Variants in RBPMS observed in about 807,000 individuals in gnomAD.
The protein encoded by RBPMS is RNA binding protein, mRNA processing factor.
A neutral mutation model predicts 26.8 loss-of-function variants in RBPMS; 7 were observed. The observed-to-expected ratio is 0.26, with a 90% confidence interval of 0.15 to 0.49. The LOEUF (loss-of-function observed/expected upper bound fraction) is 0.49, where lower values mean the gene tolerates loss of function less well. Among genes scored for constraint, RBPMS ranks in the 20% least tolerant of loss-of-function variants. The pLI, the probability that RBPMS is intolerant of heterozygous loss-of-function variation, is 0.98. For synonymous variants in RBPMS, 96 were observed against 93.3 expected, an observed-to-expected ratio of 1.03 and a Z score of -0.17; for missense variants, 186 against 250.0, an observed-to-expected ratio of 0.74 and a Z score of 1.73.
intron 6 of RBPMS, among the ~76,000 whole-genome samples, chr8:30,546,801 AGG>A (rs1188376716): frequency 6.6e-6 from 1 of 152,238 alleles, no homozygotes; most frequent in South Asian, 2.1e-4. Flanking sequence ...GAACTAGTAG[AGG>A]CTTTACAGAT....
Position 30,547,543 on chromosome 8 carries a change from T to C in RBPMS, c.528+2919T>C. On this transcript the variant is annotated intron_variant, in intron 6 of 8. Coordinates refer to ENST00000397323, the MANE Select transcript of RBPMS (RefSeq NM_001008710.3). ...AACTCAAGTAGACTGCAGCGTTTTG[T>C]TTTCATGGTGATGCAATTTTGGAGC... 2.8e-6 allele frequency: 4 copies of C among 1,436,926 alleles called. No individual in the cohort carries two copies. In the Admixed American group the frequency reaches 7.3e-5, roughly 26 times the overall value. 89.0% of individuals were successfully genotyped at this position (1,436,926 alleles called of 1,614,324 possible).
chr8:30,413,490 A>G (rs1809691120), intron 1 of RBPMS, among the ~76,000 whole-genome samples: 1 of 152,190 alleles, frequency 6.6e-6, no homozygotes, highest in Admixed American at 6.5e-5. Context: ...AGTAGAGAGA[A>G]TGATAGCTAC....
chr8:30,445,758 A>G (rs924212314), intron 1 of RBPMS, among the ~76,000 whole-genome samples: 1 of 150,884 alleles, frequency 6.6e-6, no homozygotes, highest in Admixed American at 6.6e-5. Flanking sequence ...GCCTCGACCA[A>G]CTGGGCTCCA....
intron 1 of RBPMS, among the ~76,000 whole-genome samples, chr8:30,425,835 G>A (rs1811291759): frequency 6.6e-6 from 1 of 152,152 alleles, no homozygotes; most frequent in South Asian, 2.1e-4. Context: ...CCTAGGAGGA[G>A]GTACAGTTCT....
chr8:30,505,552 TAAA>T (rs928577950), intron 5 of RBPMS, among the ~76,000 whole-genome samples: 2 of 152,000 alleles, frequency 1.3e-5, no homozygotes, highest in African/African-American at 4.8e-5. Context: ...CATAATAGAT[TAAA>T]AAAAATTATT....
At chr8:30,395,461 C>CAAAAAAAAAAAAAAAAAAAAA (rs55914538) in intron 1 of RBPMS, among the ~76,000 whole-genome samples, 1 of 43,804 alleles carries the variant, frequency 2.3e-5, no homozygotes, top group Non-Finnish European at 3.4e-5. Context: ...GACTCTGTCT[C>CAAAAAAAAAAAAAAAAAAAAA]AAAAAAAAAA....
intron 1 of RBPMS, among the ~76,000 whole-genome samples, chr8:30,472,399 A>T (rs1364500328): frequency 6.6e-6 from 1 of 152,188 alleles, no homozygotes; most frequent in Non-Finnish European, 1.5e-5. Context: ...TTGCCTGGGG[A>T]TGGAGAATGG....
At chr8:30,556,771 G>C (rs183871688) in intron 6 of RBPMS, 357 of 985,864 alleles carry the variant, frequency 3.6e-4, no homozygotes, top group Non-Finnish European at 3.8e-4. Flanking sequence ...AGTGGATTCA[G>C]ATGCACCAGG....
In RBPMS at chr8:30,463,724, G is replaced by C. The variant is rs1200509578; in HGVS notation, c.67-11055G>C. 2.6e-5 allele frequency among the ~76,000 whole-genome samples: 4 copies of C among 152,224 alleles called. No individual in the cohort carries two copies. In the East Asian group the frequency reaches 7.7e-4, roughly 29 times the overall value. On this transcript the variant is annotated intron_variant, in intron 1 of 8. Coordinates refer to ENST00000397323, the MANE Select transcript of RBPMS (RefSeq NM_001008710.3). ...AGTTTAATATGAGGAAACTTAGGAA[G>C]GGAAAGGTTAAGTGATTTGTCCAAG...
intron 8 of RBPMS, among the ~76,000 whole-genome samples, chr8:30,568,570 A>G (rs1235010974): frequency 6.6e-6 from 1 of 152,176 alleles, no homozygotes; most frequent in East Asian, 1.9e-4. Context: ...CTTACCTGAG[A>G]TAAGGAGATT....
At chr8:30,436,443 C>G (rs1014425788) in intron 1 of RBPMS, among the ~76,000 whole-genome samples, 1 of 152,176 alleles carries the variant, frequency 6.6e-6, no homozygotes, top group East Asian at 1.9e-4. Context: ...CTCCTTTAGG[C>G]TAACCATCTC....
chr8:30,420,365 G>A (rs1428227571), intron 1 of RBPMS, among the ~76,000 whole-genome samples: 1 of 152,082 alleles, frequency 6.6e-6, no homozygotes, highest in Non-Finnish European at 1.5e-5. Context: ...ACTTTAAACA[G>A]AATTTGACAA....
chr8:30,392,103 C>T (rs1232773379), intron 1 of RBPMS, among the ~76,000 whole-genome samples: 1 of 151,842 alleles, frequency 6.6e-6, no homozygotes, highest in Non-Finnish European at 1.5e-5. Context: ...ATGGTGATGC[C>T]CCTGTATGAA....
At chr8:30,519,592 T>C (rs1472329899) in intron 5 of RBPMS, among the ~76,000 whole-genome samples, 2 of 149,696 alleles carry the variant, frequency 1.3e-5, no homozygotes, top group African/African-American at 4.9e-5. Flanking sequence ...CATGCCATTC[T>C]CCTGCCTCAG....
At chr8:30,462,112 T>C (rs369520415) in intron 1 of RBPMS, among the ~76,000 whole-genome samples, 1 of 152,358 alleles carries the variant, frequency 6.6e-6, no homozygotes, top group East Asian at 1.9e-4. Flanking sequence ...GAACATGAGT[T>C]TTTATTTCTT....
intron 7 of RBPMS, chr8:30,565,888 T>C (rs1486027139): frequency 1.3e-5 from 2 of 152,268 alleles, no homozygotes; most frequent in Non-Finnish European, 2.9e-5. Context: ...GCCACAGCCC[T>C]TGGGATGCAA....
chr8:30,384,687 C>G lies in RBPMS; in HGVS notation c.-406C>G, dbSNP rs1015962562. 6.0e-6 allele frequency: 1 copy of G among 165,740 alleles called. No homozygotes were observed. Among genetic ancestry groups the G allele is most frequent in the African/African-American group, 2.4e-5 (1 of 41,806 alleles). The allele number at this position is 165,740 out of a possible 1,614,324, so 10.3% of individuals were successfully genotyped here. On this transcript the variant is annotated 5_prime_UTR_variant, in exon 1 of 9. Coordinates refer to ENST00000397323, the MANE Select transcript of RBPMS (RefSeq NM_001008710.3). This position sits in a 1 kb window ranked among gnomAD's most constrained non-coding sequence, Gnocchi z 5.6. The stretch of plus-strand genomic sequence containing the variant: ...CGTCCCCTCCTTCCAGCGGCTGCAG[C>G]CCCCAGCCCCAACTCTCCGCGCTTA...
chr8:30,529,925 G>C lies in RBPMS; in HGVS notation c.398-14569G>C, dbSNP rs143589413. 3.2e-3 allele frequency among the ~76,000 whole-genome samples: 491 copies of C among 152,010 alleles called. 1 individual carries two copies. Among genetic ancestry groups the C allele is most frequent in the Non-Finnish European group, 5.4e-3 (364 of 67,952 alleles). On this transcript the variant is annotated intron_variant, in intron 5 of 8. Transcript: ENST00000397323. ...TGTGTCACCACGCCTGGCCAATTTT[G>C]TATTTTTTTACTAGAGACAGGGTTT...
At chr8:30,542,577 T>A (rs1336244588) in intron 5 of RBPMS, among the ~76,000 whole-genome samples, 1 of 152,240 alleles carries the variant, frequency 6.6e-6, no homozygotes, top group Non-Finnish European at 1.5e-5. Context: ...GTATCAGTTT[T>A]ATGGTCTTCT....
Sources: gnomAD v4.1 joint callset for allele counts (sites outside exome capture counted in the v4.1 genomes callset) on GRCh38, gnomAD v4.1.1 for gene constraint, Gnocchi (gnomAD v3.1) non-coding constraint, MANE v1.5 for transcripts, NCBI Gene and HGNC (gene_info 2026-07-23, HGNC 2026-07-21) for gene names.